CNTNAP3B: variants seen among roughly 807,000 people sequenced by gnomAD.
CNTNAP3B encodes contactin associated protein family member 3B, also known as contactin-associated protein-like 3B.
Under a neutral mutation model 108.9 loss-of-function variants are expected in CNTNAP3B, and 25 were observed. The observed-to-expected ratio is 0.23, with a 90% confidence interval of 0.17 to 0.32. The LOEUF (loss-of-function observed/expected upper bound fraction) is 0.32. Among genes scored for constraint, CNTNAP3B ranks in the 10% least tolerant of loss-of-function variants. CNTNAP3B has a pLI of 1.00. For synonymous variants in CNTNAP3B, 103 were observed against 473.4 expected, an observed-to-expected ratio of 0.22 and a Z score of 10.16; for missense variants, 252 against 1,210.4, an observed-to-expected ratio of 0.21 and a Z score of 11.75.
chr9:42,077,344 T>C (rs1211263803), intron 2 of CNTNAP3B, among the ~76,000 whole-genome samples: 1 of 132,212 alleles, frequency 7.6e-6, no homozygotes, highest in Admixed American at 7.6e-5. Context: ...CTTTTGGAAC[T>C]AGTGTTATTT....
Position 42,041,349 on chromosome 9 carries a change from G to T in CNTNAP3B, c.391-27824C>A, listed in dbSNP as rs529679093. 3.4e-4 allele frequency among the ~76,000 whole-genome samples: 52 copies of T among 150,774 alleles called. No individual in the cohort carries two copies. In the South Asian group the frequency reaches 0.011, roughly 32 times the overall value. Reference sequence around the variant, plus strand: ...TTGCAATCTACCCATCTGACAAAGGGCTAATATCCAGAATCTACAAAGAAT... The same window carrying T: ...TTGCAATCTACCCATCTGACAAAGGTCTAATATCCAGAATCTACAAAGAAT... On this transcript the variant is annotated intron_variant, in intron 3 of 23. Coordinates refer to ENST00000377561, the MANE Select transcript of CNTNAP3B (RefSeq NM_001201380.3).
chr9:41,934,112 T>TATATATATATAC (rs1272325386), intron 14 of CNTNAP3B, among the ~76,000 whole-genome samples: 48 of 126,342 alleles, frequency 3.8e-4, no homozygotes, highest in African/African-American at 1.4e-3. Flanking sequence ...TATATATATA[T>TATATATATATAC]ATATATATAT....
chr9:41,997,352 C>A (rs1158699501), intron 6 of CNTNAP3B, among the ~76,000 whole-genome samples: 4 of 152,214 alleles, frequency 2.6e-5, no homozygotes, highest in African/African-American at 9.7e-5. Context: ...ATTTCCTAAA[C>A]CTAACACTGA....
intron 15 of CNTNAP3B, among the ~76,000 whole-genome samples, chr9:41,927,533 G>A (rs1165463719): frequency 1.3e-5 from 2 of 149,450 alleles, no homozygotes; most frequent in African/African-American, 4.9e-5. Flanking sequence ...AAGGGAAGGA[G>A]AGAAAGAGGG....
At chr9:41,961,741 G>A (rs1418722344) in intron 11 of CNTNAP3B, among the ~76,000 whole-genome samples, 3 of 152,294 alleles carry the variant, frequency 2.0e-5, no homozygotes, top group Non-Finnish European at 4.4e-5. Flanking sequence ...ATTCAAGACA[G>A]CTGAAATTCA....
At chr9:42,047,612 C>CCCT (rs1826897349) in intron 3 of CNTNAP3B, among the ~76,000 whole-genome samples, 2 of 17,264 alleles carry the variant, frequency 1.2e-4, no homozygotes, top group African/African-American at 5.0e-4. Context: ...CCTCCCTCCC[C>CCCT]CACTACCCTC....
intron 17 of CNTNAP3B, among the ~76,000 whole-genome samples, chr9:41,921,798 A>G (rs1823674861): frequency 6.6e-6 from 1 of 150,392 alleles, no homozygotes; most frequent in Non-Finnish European, 1.5e-5. Flanking sequence ...CCCAGAAGTG[A>G]GAACAGCAGC....
At chr9:41,952,749 A>C (rs1380477738) in intron 13 of CNTNAP3B, among the ~76,000 whole-genome samples, 1 of 150,704 alleles carries the variant, frequency 6.6e-6, no homozygotes, top group Non-Finnish European at 1.5e-5. Context: ...GGAAGGGCAT[A>C]TTCAGTTAAT....
rs1344114691 is a variant in CNTNAP3B at position 42,063,714 on chromosome 9, T to C, written c.390+13155A>G. ...CTCCTTCCTTGTTTCTGCTACTGTT[T>C]CCTCTCTCTCTATATCTCTTTCTTT... On this transcript the variant is annotated intron_variant, in intron 3 of 23. Coordinates refer to ENST00000377561, the MANE Select transcript of CNTNAP3B (RefSeq NM_001201380.3). Among the ~76,000 whole-genome samples, 4 of 136,880 alleles carry C rather than the reference T, an allele frequency of 2.9e-5. 1 individual carries two copies. Among genetic ancestry groups the C allele is most frequent in the African/African-American group, 5.9e-5 (2 of 33,902 alleles). The allele number at this position is 136,880 out of a possible 152,430, so 89.8% of individuals were successfully genotyped here.
rs1828490330 is a variant in CNTNAP3B at position 42,122,744 on chromosome 9, C to T, written c.85+6266G>A. On this transcript the variant is annotated intron_variant, in intron 1 of 23. Transcript: ENST00000377561. Reference sequence around the variant, plus strand: ...CTAAAATAGAAACCCAACTGGGAGACACCTTAAAAGGTTATCTGCCACAAC... The same window carrying T: ...CTAAAATAGAAACCCAACTGGGAGATACCTTAAAAGGTTATCTGCCACAAC... 2.9e-5 allele frequency among the ~76,000 whole-genome samples: 4 copies of T among 136,816 alleles called. No homozygotes were observed. In the South Asian group the frequency reaches 9.5e-4, roughly 33 times the overall value. The allele number at this position is 136,816 out of a possible 152,430, so 89.8% of individuals were successfully genotyped here.
chr9:42,075,408 C>T (rs1310639388), intron 3 of CNTNAP3B, among the ~76,000 whole-genome samples: 2 of 138,510 alleles, frequency 1.4e-5, no homozygotes, highest in South Asian at 2.4e-4. Flanking sequence ...GAGCGGGCAC[C>T]AGGAAAGTAA....
intron 3 of CNTNAP3B, among the ~76,000 whole-genome samples, chr9:42,066,388 C>CA (rs376475436): frequency 0.36 from 32,458 of 91,064 alleles, 5,831 homozygotes; most frequent in East Asian, 0.63. Context: ...AATTAATTTC[C>CA]AAAAAAAAGT....
rs1391618573 is a variant in CNTNAP3B at position 42,017,264 on chromosome 9, A to G, written c.391-3739T>C. On this transcript the variant is annotated intron_variant, in intron 3 of 23. Coordinates refer to ENST00000377561, the MANE Select transcript of CNTNAP3B (RefSeq NM_001201380.3). ...CACAGTCAGTGATGGTGCTCATGTG[A>G]TATCCTGGTCTGCAAAATGTTAAGC... Among the ~76,000 whole-genome samples, 2 of 136,190 alleles carry G rather than the reference A, an allele frequency of 1.5e-5. 1 individual carries two copies. Among genetic ancestry groups the G allele is most frequent in the African/African-American group, 5.9e-5 (2 of 33,920 alleles). 89.3% of individuals were successfully genotyped at this position (136,190 alleles called of 152,430 possible).
intron 13 of CNTNAP3B, among the ~76,000 whole-genome samples, chr9:41,945,440 A>G: frequency 6.6e-6 from 1 of 152,306 alleles, no homozygotes; most frequent in East Asian, 1.9e-4. Flanking sequence ...GCAGCCATGA[A>G]AAAGGATGAG....
At chr9:41,927,419 AAAAAGAAAG>A (rs1364304291) in intron 15 of CNTNAP3B, among the ~76,000 whole-genome samples, 9 of 150,284 alleles carry the variant, frequency 6.0e-5, no homozygotes, top group African/African-American at 2.2e-4. Context: ...AGAAAGAAAG[AAAAAGAAAG>A]AAAAGAAAGA....
chr9:41,926,764 C>A (rs1160087666), intron 15 of CNTNAP3B: 15 of 152,434 alleles, frequency 9.8e-5, no homozygotes, highest in African/African-American at 3.4e-4. Flanking sequence ...CTTCTCCATA[C>A]TTTCAGAAGT....
intron 3 of CNTNAP3B, among the ~76,000 whole-genome samples, chr9:42,027,706 AT>A (rs1406472352): frequency 1.7e-5 from 2 of 121,164 alleles, no homozygotes; most frequent in Non-Finnish European, 3.4e-5. Flanking sequence ...AATGTGCTTA[AT>A]TTTATGTCTT....
chr9:42,082,674 G>GAAC (rs1213082723), intron 2 of CNTNAP3B, among the ~76,000 whole-genome samples: 1 of 98,750 alleles, frequency 1.0e-5, no homozygotes, highest in Non-Finnish European at 2.0e-5. Flanking sequence ...TACTAAAAAT[G>GAAC]TGTTCATAAA....
chr9:42,127,329 C>A (rs562781495), intron 1 of CNTNAP3B, among the ~76,000 whole-genome samples: 6 of 139,020 alleles, frequency 4.3e-5, no homozygotes, highest in Non-Finnish European at 7.7e-5. Flanking sequence ...GCTTTGTAAT[C>A]CTTCCACTGG....
Sources: gnomAD v4.1 joint callset for allele counts (sites outside exome capture counted in the v4.1 genomes callset) on GRCh38, gnomAD v4.1.1 for gene constraint, MANE v1.5 for transcripts, NCBI Gene and HGNC (gene_info 2026-07-23, HGNC 2026-07-21) for gene names.